CADPS2: variants seen among roughly 807,000 people sequenced by gnomAD.
The protein encoded by CADPS2 is calcium dependent secretion activator 2.
CADPS2 carries 93 observed loss-of-function variants against 172.5 expected under a neutral mutation model. That is an observed-to-expected ratio of 0.54 (90% confidence interval 0.46 to 0.64). CADPS2 has a LOEUF of 0.64. CADPS2 is among the 30% of genes least tolerant of loss of function. The pLI is 0.00. For synonymous variants in CADPS2, 546 were observed against 555.2 expected, an observed-to-expected ratio of 0.98 and a Z score of 0.23; for missense variants, 1,420 against 1,565.9, an observed-to-expected ratio of 0.91 and a Z score of 1.57.
intron 8 of CADPS2, among the ~76,000 whole-genome samples, chr7:122,545,424 C>T (rs980683412): frequency 2.0e-5 from 3 of 152,052 alleles, no homozygotes; most frequent in South Asian, 2.1e-4. Context: ...TGAACTGATC[C>T]ACTTGGCAAA....
rs2150637896 is a variant in CADPS2, at chr7:122,318,852, T to G, written c.*1313A>C. Reference sequence around the variant, plus strand: ...GGTCCAAGTTGTTTCATTTCTAAAGTTTCAGAATAAACGTTTTCATAAATG... The same window carrying G: ...GGTCCAAGTTGTTTCATTTCTAAAGGTTCAGAATAAACGTTTTCATAAATG... On this transcript the variant is annotated 3_prime_UTR_variant, in exon 30 of 30. Transcript: ENST00000449022. The G allele has an allele frequency of 6.6e-6, 1 of 152,314 alleles. No homozygotes were observed. Among genetic ancestry groups the G allele is most frequent in the African/African-American group, 2.4e-5 (1 of 41,582 alleles). The allele number at this position is 152,314 out of a possible 1,614,324, so 9.4% of individuals were successfully genotyped here. A position where few individuals can be genotyped will look rare whatever the true frequency, so the allele number is the denominator to read the frequency against.
At chr7:122,720,892 C>T (rs992420184) in intron 2 of CADPS2, among the ~76,000 whole-genome samples, 2 of 151,652 alleles carry the variant, frequency 1.3e-5, no homozygotes, top group African/African-American at 4.8e-5. Flanking sequence ...TCAAAAATGG[C>T]CAAATATTGG....
In CADPS2 at chr7:122,554,384, C is replaced by T. The variant is rs1302490918; in HGVS notation, c.1475+166G>A. Among the ~76,000 whole-genome samples the T allele has an allele frequency of 1.1e-4, 16 of 152,118 alleles. No homozygotes were observed. The East Asian group carries it at 3.1e-3, about 29-fold the overall frequency. Reference sequence around the variant, plus strand: ...GGACTCATGTATTGAGCTATAAAGCCGTCTATGGGTATAAAAACATTGAGT... The same window carrying T: ...GGACTCATGTATTGAGCTATAAAGCTGTCTATGGGTATAAAAACATTGAGT... On this transcript the variant is annotated intron_variant, in intron 8 of 29. Transcript: ENST00000449022.
chr7:122,771,810 G>C (rs1388707455), intron 1 of CADPS2, among the ~76,000 whole-genome samples: 2 of 152,176 alleles, frequency 1.3e-5, no homozygotes, highest in Non-Finnish European at 2.9e-5. Flanking sequence ...AAGAGAAACT[G>C]TGGGTACCTG....
chr7:122,698,610 T>G (rs373664210), intron 2 of CADPS2: 1 of 1,614,064 alleles, frequency 6.2e-7, no homozygotes, highest in Admixed American at 1.7e-5. Context: ...GTTCAATAAG[T>G]GCAAGCCAGG....
At chr7:122,668,154 G>A (rs1375687791) in intron 2 of CADPS2, among the ~76,000 whole-genome samples, 3 of 152,144 alleles carry the variant, frequency 2.0e-5, no homozygotes, top group Non-Finnish European at 4.4e-5. Flanking sequence ...AGAGAAAAGT[G>A]GAGTTAAAGA....
intron 17 of CADPS2, chr7:122,421,102 G>C (rs2048479824): frequency 6.6e-6 from 1 of 152,188 alleles, no homozygotes; most frequent in Non-Finnish European, 1.5e-5. Context: ...GCTTATACCA[G>C]GATGTGGGAA....
At chr7:122,842,299 G>C (rs1449090088) in intron 1 of CADPS2, among the ~76,000 whole-genome samples, 1 of 152,160 alleles carries the variant, frequency 6.6e-6, no homozygotes, top group Non-Finnish European at 1.5e-5. Context: ...ACGGAGGAGG[G>C]TGGAAAATGG....
At chr7:122,418,952 C>T (rs2151789095) in intron 17 of CADPS2, among the ~76,000 whole-genome samples, 1 of 152,300 alleles carries the variant, frequency 6.6e-6, no homozygotes, top group Middle Eastern at 3.4e-3. Context: ...TGACAAACTG[C>T]TACTCTGCTT....
intron 8 of CADPS2, among the ~76,000 whole-genome samples, chr7:122,544,258 CAAAT>C (rs1253453720): frequency 2.0e-5 from 3 of 151,970 alleles, no homozygotes; most frequent in African/African-American, 4.8e-5. Flanking sequence ...TATATATGCA[CAAAT>C]AAATGTATAG....
intron 1 of CADPS2, among the ~76,000 whole-genome samples, chr7:122,876,134 A>C (rs894191132): frequency 1.3e-5 from 2 of 152,112 alleles, no homozygotes; most frequent in African/African-American, 4.8e-5. Flanking sequence ...CAGCCTGGCC[A>C]ACATGGCAAA....
At chr7:122,788,328 C>T (rs37899) in intron 1 of CADPS2, among the ~76,000 whole-genome samples, 66,574 of 151,954 alleles carry the variant, frequency 0.44, 17,048 homozygotes, top group African/African-American at 0.72. Flanking sequence ...CTAAGTTACT[C>T]TGACACAAAG....
intron 4 of CADPS2, among the ~76,000 whole-genome samples, chr7:122,627,848 G>T (rs1393225786): frequency 1.3e-5 from 2 of 152,098 alleles, no homozygotes; most frequent in East Asian, 3.9e-4. Context: ...CTCAATACAG[G>T]ATAGGACTTG....
intron 7 of CADPS2, among the ~76,000 whole-genome samples, chr7:122,576,485 G>C (rs1217646320): frequency 6.6e-6 from 1 of 152,116 alleles, no homozygotes; most frequent in Non-Finnish European, 1.5e-5. Flanking sequence ...TTTTGATGCT[G>C]CTGGTTGATG....
chr7:122,843,961 T>A (rs539884348), intron 1 of CADPS2, among the ~76,000 whole-genome samples: 1 of 152,148 alleles, frequency 6.6e-6, no homozygotes, highest in Non-Finnish European at 1.5e-5. Context: ...TGAGTACCTA[T>A]TGAGGCTGAA....
At chr7:122,697,216 TACTA>T (rs1476588915) in intron 2 of CADPS2, among the ~76,000 whole-genome samples, 2 of 152,140 alleles carry the variant, frequency 1.3e-5, no homozygotes, top group African/African-American at 4.8e-5. Context: ...AAAAAAAATG[TACTA>T]ACTGCTTGAA....
chr7:122,747,481 C>A (rs1195320699), intron 1 of CADPS2, among the ~76,000 whole-genome samples: 3 of 152,106 alleles, frequency 2.0e-5, no homozygotes, highest in Non-Finnish European at 2.9e-5. Context: ...CTTGACTACC[C>A]TTAATATATG....
intron 14 of CADPS2, among the ~76,000 whole-genome samples, chr7:122,456,067 G>C (rs889830982): frequency 6.6e-6 from 1 of 152,116 alleles, no homozygotes; most frequent in African/African-American, 2.4e-5. Flanking sequence ...AACAGAAGCA[G>C]GAACTGTAGT....
chr7:122,667,855 C>T (rs1161124715), intron 2 of CADPS2, among the ~76,000 whole-genome samples: 2 of 152,016 alleles, frequency 1.3e-5, no homozygotes, highest in Non-Finnish European at 2.9e-5. Flanking sequence ...AAAAGAATAA[C>T]ACTGCAAGGC....
Sources: allele counts gnomAD v4.1 joint callset (sites outside exome capture counted in the v4.1 genomes callset), GRCh38; gene constraint gnomAD v4.1.1; transcripts MANE v1.5; gene names NCBI Gene and HGNC (gene_info 2026-07-23, HGNC 2026-07-21).